The following CATSPERB variants were observed in gnomAD, a reference collection of about 807,000 sequenced individuals.
CATSPERB encodes the protein catsper channel auxiliary subunit beta, also known as cation channel sperm-associated auxiliary subunit beta.
A neutral mutation model predicts 128.3 loss-of-function variants in CATSPERB; 93 were observed. The observed-to-expected ratio is 0.72, with a 90% CI of 0.61 to 0.86. The LOEUF (loss-of-function observed/expected upper bound fraction) is 0.86. Ranked by LOEUF, CATSPERB falls within the 40% of genes least tolerant of loss-of-function variation. CATSPERB has a pLI of 0.00. For synonymous variants in CATSPERB, 381 were observed against 448.8 expected (o/e 0.85, Z 1.91); for missense variants, 1,153 against 1,329.5 (o/e 0.87, Z 2.06).
At chr14:91,725,268 G>T in intron 2 of CATSPERB, 100 bp from the exon 3 acceptor site, 1 of 492,600 alleles carries the variant, frequency 2.0e-6, no homozygotes, top group East Asian at 3.5e-5. Flanking sequence ...TAAGGAATAA[G>T]AATTATAATT....
In CATSPERB at chr14:91,725,124, G is replaced by A. The variant is rs754261483; in HGVS notation, c.124C>T (p.Gln42Ter). ...TACAACTTGATTATTTCATTCTCTT[G>A]AGGGAACCCTTTGTTAGAACATGCA... ...RFACSNKGFP[Q>*]ENEIIKLYLF... The change falls in exon 3 of 27, where the codon CAA becomes TAA. Residue 42 changes from glutamine to a stop codon, truncating the protein, a stop_gained. Coordinates refer to ENST00000256343, the MANE Select transcript of CATSPERB (RefSeq NM_024764.4). LOFTEE classifies it high-confidence loss of function. 6.3e-7 allele frequency: 1 copy of A among 1,581,706 alleles called. No homozygotes were observed. The highest frequency in any genetic ancestry group is 1.2e-5 in the South Asian group (1 of 84,218).
chr14:91,606,546 G>C (rs1893708109), intron 22 of CATSPERB, among the ~76,000 whole-genome samples: 1 of 152,222 alleles, frequency 6.6e-6, no homozygotes, highest in Non-Finnish European at 1.5e-5. Flanking sequence ...CTGCGTGACA[G>C]AGCGATACTC....
intron 20 of CATSPERB, among the ~76,000 whole-genome samples, chr14:91,614,702 G>A (rs1448560303): frequency 6.6e-6 from 1 of 152,098 alleles, no homozygotes; most frequent in African/African-American, 2.4e-5. Flanking sequence ...AGACTGAGGT[G>A]GGAGGACTGC....
intron 14 of CATSPERB, among the ~76,000 whole-genome samples, chr14:91,663,147 T>C (rs1894914063): frequency 6.6e-6 from 1 of 152,074 alleles, no homozygotes. Flanking sequence ...GAAAACTTTC[T>C]TTAGGTAAAA....
chr14:91,707,063 C>A (rs1051761979), intron 6 of CATSPERB, among the ~76,000 whole-genome samples: 1 of 152,176 alleles, frequency 6.6e-6, no homozygotes, highest in African/African-American at 2.4e-5. Flanking sequence ...TTTATTAGTT[C>A]TCTGCTTAAA....
intron 22 of CATSPERB, among the ~76,000 whole-genome samples, chr14:91,597,414 TG>T (rs938432063): frequency 2.6e-5 from 4 of 152,190 alleles, no homozygotes; most frequent in African/African-American, 9.7e-5. Flanking sequence ...CAATTACATT[TG>T]TTTTTCAAAA....
intron 14 of CATSPERB, among the ~76,000 whole-genome samples, chr14:91,668,702 C>T (rs545287615): frequency 5.7e-4 from 87 of 152,286 alleles, no homozygotes; most frequent in African/African-American, 2.1e-3. Flanking sequence ...ATCAGCAAGA[C>T]CACAAACCCA....
intron 3 of CATSPERB, 38 bp downstream of exon 3, chr14:91,725,042 C>T (rs779380993): frequency 7.8e-6 from 8 of 1,025,642 alleles, no homozygotes; most frequent in South Asian, 5.8e-5. Context: ...TTTAAAGGAA[C>T]GTGAAGGGTT....
intron 11 of CATSPERB, among the ~76,000 whole-genome samples, chr14:91,676,006 C>T (rs1895187291): frequency 6.6e-6 from 1 of 152,082 alleles, no homozygotes; most frequent in African/African-American, 2.4e-5. Flanking sequence ...ATTCTTTTGC[C>T]CTTTCTGTCC....
At chr14:91,712,809 C>T (rs1895863732) in intron 5 of CATSPERB, among the ~76,000 whole-genome samples, 1 of 152,180 alleles carries the variant, frequency 6.6e-6, no homozygotes, top group Admixed American at 6.5e-5. Context: ...CAAGCTCAGT[C>T]ATACGGGGAC....
At chr14:91,656,041 G>A (rs1743102) in intron 15 of CATSPERB, among the ~76,000 whole-genome samples, 30,880 of 151,932 alleles carry the variant, frequency 0.2, 3,345 homozygotes, top group African/African-American at 0.25. Flanking sequence ...GTGGCATGAC[G>A]TATATTTTTT....
chr14:91,669,823 A>G lies in CATSPERB; in HGVS notation c.1278T>C (p.Tyr426=), dbSNP rs372309588. 2.7e-5 allele frequency: 43 copies of G among 1,612,622 alleles called. No individual in the cohort carries two copies. The highest frequency in any genetic ancestry group is 3.6e-5 in the Non-Finnish European group (42 of 1,179,540). The change falls in exon 14 of 27, where the codon TAT becomes TAC. Residue 426 remains tyrosine (Y), a synonymous_variant. Coordinates refer to ENST00000256343, the MANE Select transcript of CATSPERB (RefSeq NM_024764.4). ...TTCCATGTGTACGCACCTGATTGCC[A>G]TAAGCATACAAAAAGTGGCTTCGGG... is the stretch of plus-strand genomic sequence containing the variant. ...FHPRSHFLYA[Y]GNQIWLSVDG...
chr14:91,661,548 T>TATATA (rs1566722229), intron 14 of CATSPERB, among the ~76,000 whole-genome samples: 3 of 146,892 alleles, frequency 2.0e-5, no homozygotes, highest in Non-Finnish European at 4.5e-5. Context: ...TATATATATA[T>TATATA]TTAAGACAGG....
rs114913600 is a variant in CATSPERB, at chr14:91,720,044, C to T, written c.310-566G>A. 5.2e-3 allele frequency among the ~76,000 whole-genome samples: 792 copies of T among 152,208 alleles called. 7 individuals carry two copies. Among genetic ancestry groups the T allele is most frequent in the African/African-American group, 0.018 (738 of 41,524 alleles). On this transcript the variant is annotated intron_variant, in intron 4 of 26. Transcript: ENST00000256343. ...AAAACCACAGGTAAGATCTTAGAGA[C>T]GTGTGGTACAATTCTTCTTTTGAAG...
rs761280563 is a variant in CATSPERB at position 91,704,533 on chromosome 14, A to T, written c.616+19T>A. The T allele has an allele frequency of 6.3e-7, 1 of 1,583,676 alleles. No homozygotes were observed. Among genetic ancestry groups the T allele is most frequent in the South Asian group, 1.2e-5 (1 of 84,868 alleles). On this transcript the variant is annotated intron_variant, in intron 7 of 26. Coordinates refer to ENST00000256343, the MANE Select transcript of CATSPERB (RefSeq NM_024764.4). Reference sequence around the variant, plus strand: ...ATATAAAAGGCCAATGTCAACATTTAATGAAGCTGTAGACCTACCATCAAC... The same window carrying T: ...ATATAAAAGGCCAATGTCAACATTTTATGAAGCTGTAGACCTACCATCAAC...
In CATSPERB at chr14:91,639,262, T is replaced by C. The variant is rs1333352531; in HGVS notation, c.1433-12A>G. On this transcript the variant is annotated splice_polypyrimidine_tract_variant and intron_variant, in intron 15 of 26. Coordinates refer to ENST00000256343, the MANE Select transcript of CATSPERB (RefSeq NM_024764.4). ...GTATCTTCCCATTCCTATTAGGAAA[T>C]ACAGAGAAGTGTCTTGATACTGATG... 1.2e-6 allele frequency: 2 copies of C among 1,610,656 alleles called. No homozygotes were observed. Among genetic ancestry groups the C allele is most frequent in the East Asian group, 2.2e-5 (1 of 44,838 alleles).
chr14:91,718,783 T>C (rs933903833), intron 5 of CATSPERB, among the ~76,000 whole-genome samples: 1 of 152,212 alleles, frequency 6.6e-6, no homozygotes. Context: ...TGTCTTTGGG[T>C]TCCATGACTA....
At position 91,674,349 on chromosome 14, in the gene CATSPERB, GA is replaced by G. The variant is rs1170258979; in HGVS notation, c.932-128del. The G allele has an allele frequency of 1.2e-5, 7 of 595,250 alleles. No homozygotes were observed. The East Asian group carries it at 1.6e-4, about 14-fold the overall frequency. 36.9% of individuals were successfully genotyped at this position (595,250 alleles called of 1,614,324 possible). A position where few individuals can be genotyped will look rare whatever the true frequency, so the allele number is the denominator to read the frequency against. On this transcript the variant is annotated intron_variant, in intron 11 of 26. Transcript: ENST00000256343. ...TTTTGCAAGTAAACTTATGGTAAAT[GA>G]AAATAATAATAATAATAAAAGTTAT... is the stretch of plus-strand genomic sequence containing the variant.
rs769572307 is a variant in CATSPERB, at chr14:91,636,508, T to C, written c.1659A>G (p.Ala553=). The part of the protein sequence containing the change: ...HTSLDEIIFF[A]YVPENEPQET... ...CCTGGGGTTCGTTCTCAGGTACATA[T>C]GCAAAAAAGATAATTTCATCTAAGG... The change falls in exon 17 of 27, where the codon GCA becomes GCG. Residue 553 remains alanine (A), a synonymous_variant. Transcript: ENST00000256343. 3.0e-5 allele frequency: 48 copies of C among 1,613,882 alleles called. No homozygotes were observed. The East Asian group carries it at 5.1e-4, about 17-fold the overall frequency.
Sources: gnomAD v4.1 joint callset for allele counts (sites outside exome capture counted in the v4.1 genomes callset) on GRCh38, gnomAD v4.1.1 for gene constraint, MANE v1.5 for transcripts, NCBI Gene and HGNC (gene_info 2026-07-23, HGNC 2026-07-21) for gene names.